Variants in SZT2 observed in about 807,000 individuals in gnomAD.
The protein encoded by SZT2 is SZT2 subunit of KICSTOR complex.
A neutral mutation model predicts 404.2 loss-of-function variants in SZT2; 216 were observed. The observed-to-expected ratio is 0.53, with a 90% CI of 0.48 to 0.60. The LOEUF (loss-of-function observed/expected upper bound fraction) is 0.60. Ranked by LOEUF, SZT2 falls within the 20% of genes least tolerant of loss-of-function variation. The pLI is 0.00. For missense variants in SZT2, 3,857 were observed against 4,459.2 expected, an observed-to-expected ratio of 0.86 and a Z score of 3.85; for synonymous variants, 1,693 against 1,749.9, an observed-to-expected ratio of 0.97 and a Z score of 0.81.
intron 28 of SZT2, 31 bp downstream of exon 28, chr1:43,428,517 G>GGGTACACAGACCAAGTCCCTA: frequency 6.2e-7 from 1 of 1,604,008 alleles, no homozygotes; most frequent in Non-Finnish European, 8.5e-7. Flanking sequence ...ATGGATAAGG[G>GGGTACACAGACCAAGTCCCTA]GGTACACAGA....
At chr1:43,404,071 A>T (rs1650002371) in intron 3 of SZT2, 1 of 518,004 alleles carries the variant, frequency 1.9e-6, no homozygotes, top group African/African-American at 1.9e-5. Flanking sequence ...TTAGCCAGGC[A>T]TGCTGGCATG....
intron 66 of SZT2, 133 bp from the exon 67 acceptor site, chr1:43,447,412 A>C: frequency 7.9e-7 from 1 of 1,265,802 alleles, no homozygotes; most frequent in South Asian, 1.5e-5. Flanking sequence ...ACAGGAATGC[A>C]GGAGCTCCTA....
chr1:43,427,506 C>T, intron 25 of SZT2, 24 bp from the exon 26 acceptor site: 1 of 1,613,936 alleles, frequency 6.2e-7, no homozygotes, highest in Non-Finnish European at 8.5e-7. Context: ...AGCTGGAAGA[C>T]CACGTGACAC....
rs1654252650 is a variant in SZT2, at chr1:43,434,447, G to A, written c.5866G>A (p.Val1956Met). The A allele has an allele frequency of 6.3e-7, 1 of 1,598,606 alleles. No individual in the cohort carries two copies. Among genetic ancestry groups the A allele is most frequent in the South Asian group, 1.1e-5 (1 of 87,190 alleles). The change falls in exon 41 of 72, where the codon GTG (valine) becomes ATG (methionine). Residue 1956 changes from valine (V) to methionine (M), a missense_variant. Transcript: ENST00000634258. ...GTGTCGCCACCTGCAGCAGCTCCTG[G>A]TGAGGCGAGTTGGGGAGATCTGCAG... ...TECRHLQQLL[V>M]RRVGEICREV...
chr1:43,437,193 T>TGC lies in SZT2; in HGVS notation c.6060_6061dup (p.Pro2021ArgfsTer26). 6.2e-7 allele frequency: 1 copy of TGC among 1,614,196 alleles called. No homozygotes were observed. Among genetic ancestry groups the TGC allele is most frequent in the Non-Finnish European group, 8.5e-7 (1 of 1,180,036 alleles). On this transcript the variant is annotated frameshift_variant, in exon 43 of 72. Transcript: ENST00000634258. LOFTEE classifies it high-confidence loss of function. The surrounding 1 kb of genome is among the most constrained non-coding windows in gnomAD (Gnocchi z 5.3). ...CAGATTATGCTGCTGATGAGAGCTG[T>TGC]GCGCCCCGTGGGTACCTGGCAGCCA...
Position 43,416,576 on chromosome 1 carries a change from G to A in SZT2, c.814G>A (p.Val272Ile). Residue 272 changes from valine (V) to isoleucine (I), a missense_variant, in exon 7 of 72, where the codon GTT becomes ATT. Around this residue, in one of 7 missense-constraint regions of SZT2, gnomAD observed 536 missense variants for 637.4 expected, o/e 0.84. Transcript: ENST00000634258. ...ITDGVTSVPD[V>I]AVCETLLNQL... ...GGATGGGGTGACCAGTGTACCTGATGTTGCTGTCTGTGAGACACTGCTGAA... is the reference window on the plus strand; with the variant it reads ...GGATGGGGTGACCAGTGTACCTGATATTGCTGTCTGTGAGACACTGCTGAA... 1 of 1,598,384 alleles carries A rather than the reference G, an allele frequency of 6.3e-7. No individual in the cohort carries two copies. The highest frequency in any genetic ancestry group is 1.1e-5 in the South Asian group (1 of 91,038).
chr1:43,445,652 T>C, intron 62 of SZT2: 1 of 582,954 alleles, frequency 1.7e-6, no homozygotes, highest in Non-Finnish European at 3.1e-6. Flanking sequence ...AGAGGCTTAG[T>C]CTCCACCTCC....
Position 43,437,022 on chromosome 1 carries a change from C to G in SZT2, c.6035-149C>G. On this transcript the variant is annotated intron_variant, in intron 42 of 71. Transcript: ENST00000634258. This position sits in a 1 kb window ranked among gnomAD's most constrained non-coding sequence, Gnocchi z 5.3. ...AGGGCATGCATCTGCCTGGCCCTGT[C>G]GTGTTACCCAGAATGATCATCATTT... is the stretch of plus-strand genomic sequence containing the variant. The G allele has an allele frequency of 9.6e-7, 1 of 1,043,844 alleles. No individual in the cohort carries two copies. The highest frequency in any genetic ancestry group is 1.4e-6 in the Non-Finnish European group (1 of 716,652). 64.7% of individuals were successfully genotyped at this position (1,043,844 alleles called of 1,614,324 possible).
At chr1:43,438,029 T>C in intron 46 of SZT2, 127 bp downstream of exon 46, 1 of 903,726 alleles carries the variant, frequency 1.1e-6, no homozygotes, top group Non-Finnish European at 1.7e-6. Flanking sequence ...ACCTGACACA[T>C]GTTAAGTGAG....
intron 28 of SZT2, 99 bp from the exon 29 acceptor site, chr1:43,429,604 G>A (rs1467726310): frequency 6.8e-7 from 1 of 1,479,496 alleles, no homozygotes; most frequent in African/African-American, 1.4e-5. Flanking sequence ...CTCTTCCTGT[G>A]GACAAAAAGG....
At chr1:43,392,411 A>C (rs776722344) in intron 1 of SZT2, among the ~76,000 whole-genome samples, 27 of 151,432 alleles carry the variant, frequency 1.8e-4, no homozygotes, top group Admixed American at 6.6e-4. Context: ...GCCAAAAGTT[A>C]AGCTTTTTTT....
In SZT2 at chr1:43,453,440, A is replaced by G. The variant is rs1442003898; in HGVS notation, c.*2960A>G. 5 of 1,563,884 alleles carry G rather than the reference A, an allele frequency of 3.2e-6. No homozygotes were observed. In the African/African-American group the frequency reaches 5.5e-5, roughly 17 times the overall value. ...CACGGCCTGCTCCAGTCCCTCTCGG[A>G]AGGCCGCCTGTCTCCCGGGGACGGC... On this transcript the variant is annotated 3_prime_UTR_variant, in exon 72 of 72. Coordinates refer to ENST00000634258, the MANE Select transcript of SZT2 (RefSeq NM_001365999.1).
chr1:43,452,929 A>G lies in SZT2; in HGVS notation c.*2449A>G. ...TGTCCAGCCTCAGGAACGCTGCCAAATACACCAGGCCTCCTCTTGCCACAG... is the reference window on the plus strand; with the variant it reads ...TGTCCAGCCTCAGGAACGCTGCCAAGTACACCAGGCCTCCTCTTGCCACAG... On this transcript the variant is annotated 3_prime_UTR_variant, in exon 72 of 72. Transcript: ENST00000634258. 2 of 1,607,824 alleles carry G rather than the reference A, an allele frequency of 1.2e-6. No individual in the cohort carries two copies.
In SZT2 at chr1:43,441,515, C is replaced by G; in HGVS notation, c.7523C>G (p.Thr2508Arg). 6.2e-7 allele frequency: 1 copy of G among 1,613,942 alleles called. No homozygotes were observed. Among genetic ancestry groups the G allele is most frequent in the Non-Finnish European group, 8.5e-7 (1 of 1,179,902 alleles). The change falls in exon 54 of 72, where the codon ACA becomes AGA. Residue 2508 changes from threonine to arginine, a missense_variant. Thr to Arg is a moderately conservative substitution (Grantham distance 71). Coordinates refer to ENST00000634258, the MANE Select transcript of SZT2 (RefSeq NM_001365999.1). The surrounding 1 kb of genome is among the most constrained non-coding windows in gnomAD (Gnocchi z 4.8). ...CCCACTGTCTTCAGGCGCCGGACAA[C>G]ACAGCTAGAAGAGGGTGAGGTGGGG... is the stretch of plus-strand genomic sequence containing the variant. The part of the protein sequence containing the change: ...SGAQRQKRRT[T>R]QLEEGEVGTL...
chr1:43,444,440 G>A (rs867409594), intron 62 of SZT2, among the ~76,000 whole-genome samples: 13 of 152,056 alleles, frequency 8.5e-5, no homozygotes, highest in African/African-American at 2.9e-4. Flanking sequence ...TCTGGATCTA[G>A]GACTTAATGA....
chr1:43,394,771 G>A (rs556899404), intron 1 of SZT2, among the ~76,000 whole-genome samples: 3 of 151,942 alleles, frequency 2.0e-5, no homozygotes, highest in Admixed American at 6.6e-5. Context: ...CCAGCTACTC[G>A]GAAGGCTGAG....
chr1:43,419,167 C>A (rs1652045507), intron 7 of SZT2, among the ~76,000 whole-genome samples: 1 of 152,196 alleles, frequency 6.6e-6, no homozygotes, highest in African/African-American at 2.4e-5. Flanking sequence ...ACAGACAATA[C>A]AAAATGAATG....
chr1:43,423,836 T>C (rs1267845303), intron 15 of SZT2, among the ~76,000 whole-genome samples: 1 of 149,788 alleles, frequency 6.7e-6, no homozygotes. Context: ...GGGCGTGGCT[T>C]AGCGAGGTAT....
At position 43,443,283 on chromosome 1, in the gene SZT2, T is replaced by G; in HGVS notation, c.8499+16T>G. The G allele has an allele frequency of 6.2e-7, 1 of 1,614,194 alleles. No individual in the cohort carries two copies. The highest frequency in any genetic ancestry group is 2.2e-5 in the East Asian group (1 of 44,876). Reference sequence around the variant, plus strand: ...GCCCATCAGTGTGAGTGACCCCAGCTTGCATCTTCCTTGAGTATCTGTGAT... The same window carrying G: ...GCCCATCAGTGTGAGTGACCCCAGCGTGCATCTTCCTTGAGTATCTGTGAT... On this transcript the variant is annotated intron_variant, in intron 60 of 71. Transcript: ENST00000634258.
Sources: gnomAD v4.1 joint callset for allele counts (sites outside exome capture counted in the v4.1 genomes callset) on GRCh38, gnomAD v4.1.1 for gene constraint, gnomAD v4.1.1 regional missense constraint, Gnocchi (gnomAD v3.1) non-coding constraint, MANE v1.5 for transcripts, NCBI Gene and HGNC (gene_info 2026-07-23, HGNC 2026-07-21) for gene names.